The following ATP11C variants were observed in gnomAD, a reference collection of about 807,000 sequenced individuals.
ATP11C encodes ATPase phospholipid transporting 11C (ATP11C blood group).
Under a neutral mutation model 97.4 loss-of-function variants are expected in ATP11C, and 36 were observed. The ratio of observed to expected loss-of-function variants is 0.37; its 90% confidence interval spans 0.28 to 0.49. The LOEUF (loss-of-function observed/expected upper bound fraction) is 0.49. Among genes scored for constraint, ATP11C ranks in the 20% least tolerant of loss-of-function variants. ATP11C has a pLI of 0.98. For synonymous variants in ATP11C, 275 were observed against 290.9 expected, an observed-to-expected ratio of 0.95 and a Z score of 0.56; for missense variants, 730 against 824.6, an observed-to-expected ratio of 0.89 and a Z score of 1.40.
chrX:139,763,741 T>C (rs1415443494), intron 20 of ATP11C, among the ~76,000 whole-genome samples: 1 of 112,254 alleles, frequency 8.9e-6, no homozygotes, highest in Non-Finnish European at 1.9e-5. Context: ...TTCGTTGTTT[T>C]AGTTTTATTC....
At position 139,912,898 on chromosome X, in the gene ATP11C, A is replaced by G. The variant is rs1014603555; in HGVS notation, c.27+19118T>C. ...TCAAGGTCTGGGGTCTAACCTAACA[A>G]ATGATTATGACTTTTAAAATAGACT... On this transcript the variant is annotated intron_variant, in intron 1 of 29. Transcript: ENST00000682941. 5.4e-5 allele frequency among the ~76,000 whole-genome samples: 6 copies of G among 111,883 alleles called. No homozygotes were observed. In the East Asian group the frequency reaches 8.4e-4, roughly 16 times the overall value.
chrX:139,744,252 AAAAC>A (rs2081632998), intron 25 of ATP11C, among the ~76,000 whole-genome samples: 1 of 112,278 alleles, frequency 8.9e-6, no homozygotes, highest in Non-Finnish European at 1.9e-5. Context: ...CAAAAAAATA[AAAAC>A]AAAAATTAAG....
intron 1 of ATP11C, among the ~76,000 whole-genome samples, chrX:139,904,783 A>T (rs1373768804): frequency 9.0e-6 from 1 of 111,165 alleles, no homozygotes; most frequent in African/African-American, 3.3e-5. Context: ...AGCATTCCAT[A>T]TAGTGGGAAG....
rs959364592 is a variant in ATP11C at position 139,783,356 on chromosome X, AC to A, written c.1667-90del. 1.1e-5 allele frequency: 7 copies of A among 613,881 alleles called. No homozygotes were observed. In the African/African-American group the frequency reaches 1.3e-4, roughly 12 times the overall value. 50.6% of individuals were successfully genotyped at this position (613,881 alleles called of 1,213,427 possible). On this transcript the variant is annotated intron_variant, in intron 16 of 29. Transcript: ENST00000682941. ...AGTAACTTTTAAAGCGGTCTCTCTC[AC>A]CCAAGTGTTGTATATTCTGAGCACA...
intron 1 of ATP11C, among the ~76,000 whole-genome samples, chrX:139,868,472 TTGGGAGGCTGAGGCAGG>T (rs1428397716): frequency 1.2e-4 from 13 of 108,991 alleles, no homozygotes; most frequent in Non-Finnish European, 2.1e-4. Context: ...TCCCAACACT[TTGGGAGGCTGAGGCAGG>T]TGGATCACCT....
chrX:139,761,809 T>C, intron 22 of ATP11C, 152 bp downstream of exon 22: 1 of 371,697 alleles, frequency 2.7e-6, no homozygotes, highest in Non-Finnish European at 4.4e-6. Context: ...TTCTGATTCA[T>C]CCAATAGACC....
At chrX:139,906,485 T>C (rs1603416140) in intron 1 of ATP11C, among the ~76,000 whole-genome samples, 2 of 108,382 alleles carry the variant, frequency 1.8e-5, no homozygotes, top group East Asian at 5.9e-4. Flanking sequence ...GCATAACTCA[T>C]TAATTTAACA....
intron 1 of ATP11C, among the ~76,000 whole-genome samples, chrX:139,831,006 T>C (rs1046272691): frequency 9.0e-6 from 1 of 111,175 alleles, no homozygotes; most frequent in Non-Finnish European, 1.9e-5. Flanking sequence ...TATTCGGTGG[T>C]CAAATTGCTG....
chrX:139,741,548 T>G (rs2081555761), intron 26 of ATP11C, among the ~76,000 whole-genome samples: 1 of 111,133 alleles, frequency 9.0e-6, no homozygotes, highest in African/African-American at 3.3e-5. Flanking sequence ...ACTACAAAAC[T>G]TTCAAAGGTG....
chrX:139,922,223 AATATATATATATATAT>A (rs201394639), intron 1 of ATP11C, among the ~76,000 whole-genome samples: 1,001 of 43,739 alleles, frequency 0.023, 47 homozygotes, highest in African/African-American at 0.068. Flanking sequence ...TCCTTCTCTA[AATATATATATATATAT>A]ATATATATAT....
chrX:139,817,037 T>A, intron 3 of ATP11C, 94 bp from the exon 4 acceptor site: 1 of 491,184 alleles, frequency 2.0e-6, no homozygotes, highest in East Asian at 4.5e-5. Context: ...AACAGAAACA[T>A]AGACAAAACA....
chrX:139,801,696 A>AT (rs1156434516), intron 7 of ATP11C, among the ~76,000 whole-genome samples: 1 of 111,826 alleles, frequency 8.9e-6, no homozygotes, highest in Non-Finnish European at 1.9e-5. Flanking sequence ...AATGACTAAT[A>AT]ATCAGCAAAC....
At chrX:139,935,391 C>T (rs777643295), upstream of ATP11C, among the ~76,000 whole-genome samples, 4 of 111,372 alleles carry the variant, frequency 3.6e-5, no homozygotes, top group Non-Finnish European at 7.5e-5. Context: ...CATGGTGAAA[C>T]CCTGTATCTA....
chrX:139,772,015 A>C (rs1185914646), intron 19 of ATP11C, among the ~76,000 whole-genome samples: 6 of 112,238 alleles, frequency 5.3e-5, no homozygotes, highest in Non-Finnish European at 5.6e-5. Context: ...AGAGACCTTC[A>C]CAGCAGCCCC....
At chrX:139,850,681 G>A (rs983869301) in intron 1 of ATP11C, among the ~76,000 whole-genome samples, 2 of 111,184 alleles carry the variant, frequency 1.8e-5, no homozygotes, top group Non-Finnish European at 3.8e-5. Flanking sequence ...TTGGGAGGCC[G>A]AGGCGGGTGG....
chrX:139,803,381 C>CAACTCCAGATGGAAT (rs1375489729), intron 6 of ATP11C, among the ~76,000 whole-genome samples: 3 of 111,158 alleles, frequency 2.7e-5, no homozygotes, highest in African/African-American at 9.8e-5. Flanking sequence ...TCGTAGTCCT[C>CAACTCCAGATGGAAT]AACTCCAGAT....
chrX:139,869,886 C>CAAAAAAAAAAAA (rs59723137), intron 1 of ATP11C, among the ~76,000 whole-genome samples: 1 of 42,251 alleles, frequency 2.4e-5, no homozygotes, highest in African/African-American at 6.8e-5. Flanking sequence ...ACTAGACTGG[C>CAAAAAAAAAAAA]AAAAAAAAAA....
chrX:139,853,324 A>AAGAGAGAGGGGAAAGAG (rs2084032067), intron 1 of ATP11C, among the ~76,000 whole-genome samples: 5 of 108,241 alleles, frequency 4.6e-5, no homozygotes, highest in African/African-American at 1.7e-4. Flanking sequence ...AGGAGAGAAA[A>AAGAGAGAGGGGAAAGAG]AGAGAGAGGG....
intron 24 of ATP11C, among the ~76,000 whole-genome samples, chrX:139,749,553 T>A (rs2081765931): frequency 8.9e-6 from 1 of 111,861 alleles, no homozygotes; most frequent in African/African-American, 3.2e-5. Flanking sequence ...GAGTCCATTA[T>A]TTTCTTCAAC....
Sources: gnomAD v4.1 joint callset for allele counts (sites outside exome capture counted in the v4.1 genomes callset) on GRCh38, gnomAD v4.1.1 for gene constraint, MANE v1.5 for transcripts, NCBI Gene and HGNC (gene_info 2026-07-23, HGNC 2026-07-21) for gene names.